HOXC13: variants seen among roughly 807,000 people sequenced by gnomAD.
HOXC13 encodes the protein homeobox C13, also known as homeobox protein Hox-C13.
Under a neutral mutation model 25.9 loss-of-function variants are expected in HOXC13, and 10 were observed. The ratio of observed to expected loss-of-function variants is 0.39; its 90% confidence interval spans 0.24 to 0.65. HOXC13 has a LOEUF of 0.65. Among genes scored for constraint, HOXC13 ranks in the 30% least tolerant of loss-of-function variants. The probability of loss-of-function intolerance (pLI) is 0.50; values close to 1 mark genes in which losing one functional copy is unlikely to be tolerated. For missense variants in HOXC13, 439 were observed against 478.3 expected, an observed-to-expected ratio of 0.92 and a Z score of 0.77; for synonymous variants, 233 against 217.1, an observed-to-expected ratio of 1.07 and a Z score of -0.64.
At chr12:53,942,854 A>G (rs1479163745) in intron 1 of HOXC13, among the ~76,000 whole-genome samples, 3 of 152,224 alleles carry the variant, frequency 2.0e-5, no homozygotes, top group Non-Finnish European at 4.4e-5. Context: ...AGTTTAAACC[A>G]GTTGTCTACT....
At chr12:53,943,336 A>G (rs780366881) in intron 1 of HOXC13, among the ~76,000 whole-genome samples, 16 of 152,366 alleles carry the variant, frequency 1.1e-4, no homozygotes, top group East Asian at 5.8e-4. Context: ...CAAATCGTCA[A>G]TTTCCCAAAT....
At chr12:53,944,239 C>T (rs1938654310) in intron 1 of HOXC13, among the ~76,000 whole-genome samples, 1 of 152,038 alleles carries the variant, frequency 6.6e-6, no homozygotes, top group African/African-American at 2.4e-5. Flanking sequence ...GGTTCAGGAC[C>T]CCCCACCTTG....
Position 53,939,070 on chromosome 12 carries a change from C to G in HOXC13, c.164C>G (p.Pro55Arg). Residue 55 changes from proline (P) to arginine (R), a missense_variant, in exon 1 of 2, where the codon CCG becomes CGG. Coordinates refer to ENST00000243056, the MANE Select transcript of HOXC13 (RefSeq NM_017410.3). The surrounding 1 kb of genome is among the most constrained non-coding windows in gnomAD (Gnocchi z 6.7). ...GCSGASPGKA[P>R]SMDGLGSSCP... ...AGCGGAGCGAGCCCCGGCAAAGCCC[C>G]GAGCATGGATGGTCTGGGCAGCAGC... 6.3e-6 allele frequency: 9 copies of G among 1,435,730 alleles called. No individual in the cohort carries two copies. Among genetic ancestry groups the G allele is most frequent in the Non-Finnish European group, 7.2e-6 (8 of 1,104,640 alleles). 88.9% of individuals were successfully genotyped at this position (1,435,730 alleles called of 1,614,324 possible).
At chr12:53,941,367 GTAA>G (rs1025279183) in intron 1 of HOXC13, among the ~76,000 whole-genome samples, 1 of 152,232 alleles carries the variant, frequency 6.6e-6, no homozygotes, top group Non-Finnish European at 1.5e-5. Context: ...GGGCTAAGGG[GTAA>G]GGGATCAGGT....
intron 1 of HOXC13, among the ~76,000 whole-genome samples, chr12:53,944,187 T>G (rs1038754711): frequency 6.6e-6 from 1 of 152,138 alleles, no homozygotes; most frequent in Admixed American, 6.5e-5. Context: ...GACTGCAGTG[T>G]GGACCCCCTA....
Position 53,939,045 on chromosome 12 carries a change from A to G in HOXC13, c.139A>G (p.Ser47Gly). Residue 47 changes from serine to glycine, a missense_variant, in exon 1 of 2, where the codon AGC becomes GGC. Ser to Gly is a moderately conservative substitution (Grantham distance 56). Coordinates refer to ENST00000243056, the MANE Select transcript of HOXC13 (RefSeq NM_017410.3). The surrounding 1 kb of genome is among the most constrained non-coding windows in gnomAD (Gnocchi z 6.7). ...GGTGGAGGGC[S>G]GASPGKAPSM... is the part of the protein sequence containing the mutation. ...CACGGGCGGAGCGGGGGGTGGCTGC[A>G]GCGGAGCGAGCCCCGGCAAAGCCCC... The G allele has an allele frequency of 6.9e-7, 1 of 1,449,342 alleles. No homozygotes were observed. The highest frequency in any genetic ancestry group is 9.0e-7 in the Non-Finnish European group (1 of 1,110,494). 89.8% of individuals were successfully genotyped at this position (1,449,342 alleles called of 1,614,324 possible). A position where few individuals can be genotyped will look rare whatever the true frequency, so the allele number is the denominator to read the frequency against.
chr12:53,940,040 G>A (rs1382754337), intron 1 of HOXC13, among the ~76,000 whole-genome samples: 2 of 152,222 alleles, frequency 1.3e-5, no homozygotes, highest in East Asian at 3.8e-4. Flanking sequence ...CCAACCCACC[G>A]AATAACTGGG....
intron 1 of HOXC13, among the ~76,000 whole-genome samples, chr12:53,942,154 CTTTTTTTTTTTTTTTTTTTTTT>C (rs56678098): frequency 2.5e-5 from 1 of 39,312 alleles, no homozygotes; most frequent in Non-Finnish European, 4.2e-5. Flanking sequence ...TGAGTGTAGA[CTTTTTTTTTTTTTTTTTTTTTT>C]TTTTTTTTTT....
rs746046390 is a variant in HOXC13, at chr12:53,939,374, G to T, written c.468G>T (p.Pro156=). 1.0e-5 allele frequency: 16 copies of T among 1,606,196 alleles called. No individual in the cohort carries two copies. The highest frequency in any genetic ancestry group is 1.6e-4 in the Middle Eastern group (1 of 6,070). ...ACCCGGGCGATAAATACCCGGAGCC[G>T]TCGGGCGCCCTGCCCGGTGACGACC... ...AYHPGDKYPE[P]SGALPGDDLS... Residue 156 remains proline, a synonymous_variant, in exon 1 of 2, where the codon CCG becomes CCT. Coordinates refer to ENST00000243056, the MANE Select transcript of HOXC13 (RefSeq NM_017410.3). The surrounding 1 kb of genome is among the most constrained non-coding windows in gnomAD (Gnocchi z 6.7).
Position 53,939,499 on chromosome 12 carries a change from G to A in HOXC13, c.593G>A (p.Ser198Asn). Reference protein sequence around the residue: ...YLDVSVVPGISGHPEPRHDAL... With the variant: ...YLDVSVVPGINGHPEPRHDAL... The stretch of plus-strand genomic sequence containing the variant: ...GACGTGTCGGTGGTGCCCGGGATCA[G>A]CGGGCACCCGGAGCCGCGTCACGAC... The change falls in exon 1 of 2, where the codon AGC becomes AAC. Residue 198 changes from serine to asparagine, a missense_variant. By Grantham distance (46) the Ser-to-Asn change is conservative (BLOSUM62 1). Transcript: ENST00000243056. This position sits in a 1 kb window ranked among gnomAD's most constrained non-coding sequence, Gnocchi z 6.7. 1 of 1,610,392 alleles carries A rather than the reference G, an allele frequency of 6.2e-7. No individual in the cohort carries two copies. The highest frequency in any genetic ancestry group is 8.5e-7 in the Non-Finnish European group (1 of 1,179,610).
Position 53,939,197 on chromosome 12 carries a change from G to C in HOXC13, c.291G>C (p.Pro97=), listed in dbSNP as rs779691824. 8 of 1,526,748 alleles carry C rather than the reference G, an allele frequency of 5.2e-6. No individual in the cohort carries two copies. The highest frequency in any genetic ancestry group is 4.1e-5 in the Admixed American group (2 of 49,066). 94.6% of individuals were successfully genotyped at this position (1,526,748 alleles called of 1,614,324 possible). Residue 97 remains proline (P), a synonymous_variant, in exon 1 of 2, where the codon CCG becomes CCC. Transcript: ENST00000243056. The surrounding 1 kb of genome is among the most constrained non-coding windows in gnomAD (Gnocchi z 6.7). ...APQGAVYTDI[P]APEAARQCAP... ...AGGGCGCCGTCTATACGGACATCCC[G>C]GCCCCGGAGGCGGCGCGCCAGTGTG...
intron 1 of HOXC13, among the ~76,000 whole-genome samples, chr12:53,944,582 G>A (rs923135883): frequency 5.3e-5 from 8 of 152,178 alleles, no homozygotes; most frequent in African/African-American, 1.7e-4. Flanking sequence ...CTGGAATTTG[G>A]AGGGTCCCTT....
rs1938691079 is a variant in HOXC13, at chr12:53,946,162, C to T, written c.*906C>T. ...GGAGAGTGGGTCCCTCAACAAAGTCCCTGTCCAGTCACCTTTCCATCAGGG... is the reference window on the plus strand; with the variant it reads ...GGAGAGTGGGTCCCTCAACAAAGTCTCTGTCCAGTCACCTTTCCATCAGGG... On this transcript the variant is annotated 3_prime_UTR_variant, in exon 2 of 2. Coordinates refer to ENST00000243056, the MANE Select transcript of HOXC13 (RefSeq NM_017410.3). 4.3e-6 allele frequency: 1 copy of T among 230,384 alleles called. No individual in the cohort carries two copies. The highest frequency in any genetic ancestry group is 8.6e-6 in the Non-Finnish European group (1 of 116,138). 14.3% of individuals were successfully genotyped at this position (230,384 alleles called of 1,614,324 possible).
rs1341466631 is a variant in HOXC13 at position 53,939,017 on chromosome 12, C to T, written c.111C>T (p.Gly37=). 8 of 1,483,918 alleles carry T rather than the reference C, an allele frequency of 5.4e-6. No individual in the cohort carries two copies. The African/African-American group carries it at 5.8e-5, about 11-fold the overall frequency. 91.9% of individuals were successfully genotyped at this position (1,483,918 alleles called of 1,614,324 possible). Residue 37 remains glycine (G), a synonymous_variant, in exon 1 of 2, where the codon GGC becomes GGT. Transcript: ENST00000243056. The surrounding 1 kb of genome is among the most constrained non-coding windows in gnomAD (Gnocchi z 6.7). ...GIGGGGGGGG[G]GTGGAGGGCS... The stretch of plus-strand genomic sequence containing the variant: ...GCGGCGGCGGCGGAGGAGGAGGCGG[C>T]GGCACGGGCGGAGCGGGGGGTGGCT...
chr12:53,941,967 A>G (rs947600601), intron 1 of HOXC13, among the ~76,000 whole-genome samples: 1 of 152,230 alleles, frequency 6.6e-6, no homozygotes, highest in Non-Finnish European at 1.5e-5. Context: ...GTCTCTCTAC[A>G]GTGCCTCTGG....
chr12:53,945,711 T>C lies in HOXC13; in HGVS notation c.*455T>C. On this transcript the variant is annotated 3_prime_UTR_variant, in exon 2 of 2. Transcript: ENST00000243056. The surrounding 1 kb of genome is among the most constrained non-coding windows in gnomAD (Gnocchi z 4.4). ...AGCTTCGGAGCAGGATCTGTCCAGC[T>C]CATACTTTCCTTCGCTGTCCCTCCC... The C allele has an allele frequency of 3.8e-6, 1 of 261,858 alleles. No individual in the cohort carries two copies. Among genetic ancestry groups the C allele is most frequent in the Non-Finnish European group, 7.5e-6 (1 of 133,262 alleles). 16.2% of individuals were successfully genotyped at this position (261,858 alleles called of 1,614,324 possible).
chr12:53,944,959 C>T, intron 1 of HOXC13, 41 bp from the exon 2 acceptor site: 1 of 1,610,346 alleles, frequency 6.2e-7, no homozygotes, highest in South Asian at 1.1e-5. Context: ...TCAGTCCAGC[C>T]GCTTGCCTCA....
At chr12:53,942,154 C>CTTTTTTT (rs56678098) in intron 1 of HOXC13, among the ~76,000 whole-genome samples, 2 of 39,338 alleles carry the variant, frequency 5.1e-5, no homozygotes, top group African/African-American at 2.3e-4. Flanking sequence ...TGAGTGTAGA[C>CTTTTTTT]TTTTTTTTTT....
chr12:53,943,719 A>T (rs1938646524), intron 1 of HOXC13, among the ~76,000 whole-genome samples: 1 of 152,218 alleles, frequency 6.6e-6, no homozygotes, highest in South Asian at 2.1e-4. Flanking sequence ...GTGTTCTGTG[A>T]GGGTGGGATG....
Sources: allele counts gnomAD v4.1 joint callset (sites outside exome capture counted in the v4.1 genomes callset), GRCh38; gene constraint gnomAD v4.1.1; non-coding constraint Gnocchi (gnomAD v3.1); transcripts MANE v1.5; gene names NCBI Gene and HGNC (gene_info 2026-07-23, HGNC 2026-07-21).